LOC128706666: variants seen among roughly 807,000 people sequenced by gnomAD.
the LOC128706666 span, chr20:10,413,907 C>T: frequency 4.8e-6 from 2 of 418,406 alleles, no homozygotes; most frequent in East Asian, 6.8e-5. Context: ...CGATATGAAG[C>T]TCAGATTCAA....
the LOC128706666 span, among the ~76,000 whole-genome samples, chr20:10,431,527 A>AAAACCAAACC: frequency 0.014 from 2,039 of 150,836 alleles, 46 homozygotes; most frequent in African/African-American, 0.042. Context: ...ATAGGGTCAA[A>AAAACCAAACC]AAACCAAACC....
chr20:10,421,899 T>A, the LOC128706666 span, among the ~76,000 whole-genome samples: 1 of 152,172 alleles, frequency 6.6e-6, no homozygotes, highest in East Asian at 1.9e-4. Flanking sequence ...CTCCTTATAC[T>A]CTTAATAAGG....
chr20:10,430,320 T>G, the LOC128706666 span, among the ~76,000 whole-genome samples: 72,839 of 152,040 alleles, frequency 0.48, 18,320 homozygotes, highest in Non-Finnish European at 0.56. Context: ...GGCCTTGGAT[T>G]AGTCACTTAA....
chr20:10,432,789 C>T, the LOC128706666 span, among the ~76,000 whole-genome samples: 1 of 74,590 alleles, frequency 1.3e-5, no homozygotes, highest in Non-Finnish European at 2.5e-5. Flanking sequence ...GACTCTTTGT[C>T]AAAAAAAAAA....
the LOC128706666 span, among the ~76,000 whole-genome samples, chr20:10,430,301 T>C: frequency 5.3e-5 from 8 of 152,230 alleles, no homozygotes; most frequent in Non-Finnish European, 1.0e-4. Context: ...ACTTTACAAC[T>C]GGCTGTGTGG....
At chr20:10,414,689 A>T in the LOC128706666 span, among the ~76,000 whole-genome samples, 1 of 152,210 alleles carries the variant, frequency 6.6e-6, no homozygotes, top group African/African-American at 2.4e-5. Context: ...GTGCATTTAT[A>T]TCAAGTCATG....
the LOC128706666 span, among the ~76,000 whole-genome samples, chr20:10,422,737 A>G: frequency 4.0e-5 from 6 of 148,964 alleles, no homozygotes; most frequent in African/African-American, 1.5e-4. Context: ...TGTGAGACAG[A>G]GTCTTGCTCT....
the LOC128706666 span, among the ~76,000 whole-genome samples, chr20:10,416,320 T>C: frequency 1.3e-5 from 2 of 151,720 alleles, no homozygotes; most frequent in African/African-American, 2.4e-5. Flanking sequence ...AGAATGATTA[T>C]AGGTATGAGG....
chr20:10,418,016 GA>G, the LOC128706666 span, among the ~76,000 whole-genome samples: 55 of 152,246 alleles, frequency 3.6e-4, no homozygotes, highest in East Asian at 9.6e-3. Flanking sequence ...CAAACCACCT[GA>G]AAAGATTTTT....
At chr20:10,432,789 C>CAAAA in the LOC128706666 span, among the ~76,000 whole-genome samples, 1,181 of 74,564 alleles carry the variant, frequency 0.016, 141 homozygotes, top group South Asian at 0.05. Flanking sequence ...GACTCTTTGT[C>CAAAA]AAAAAAAAAA....
chr20:10,423,160 G>GT, the LOC128706666 span, among the ~76,000 whole-genome samples: 1 of 152,152 alleles, frequency 6.6e-6, no homozygotes, highest in Non-Finnish European at 1.5e-5. Context: ...ATTAGGGCCA[G>GT]GTGCAGTGGC....
the LOC128706666 span, among the ~76,000 whole-genome samples, chr20:10,433,637 C>T: frequency 6.6e-6 from 1 of 152,202 alleles, no homozygotes; most frequent in Non-Finnish European, 1.5e-5. Context: ...CCCGCGGCTG[C>T]TTTCACGTAG....
the LOC128706666 span, among the ~76,000 whole-genome samples, chr20:10,427,029 G>GACACACACACACACACACACACAC: frequency 9.6e-4 from 126 of 130,774 alleles, 2 homozygotes; most frequent in Middle Eastern, 4.2e-3. Flanking sequence ...AGAAAACACT[G>GACACACACACACACACACACACAC]ACACACACAC....
chr20:10,423,227 C>T, the LOC128706666 span, among the ~76,000 whole-genome samples: 1 of 151,994 alleles, frequency 6.6e-6, no homozygotes. Context: ...TCACTTGAGC[C>T]TAGGCAACGT....
At chr20:10,433,909 A>G in the LOC128706666 span, among the ~76,000 whole-genome samples, 1 of 152,136 alleles carries the variant, frequency 6.6e-6, no homozygotes, top group Non-Finnish European at 1.5e-5. Context: ...CGCAACATTT[A>G]CCATCGGCAG....
chr20:10,417,052 C>T, the LOC128706666 span, among the ~76,000 whole-genome samples: 3 of 151,760 alleles, frequency 2.0e-5, no homozygotes, highest in African/African-American at 7.3e-5. Flanking sequence ...AGTAAAAGAT[C>T]ACCTGGCCAA....
At chr20:10,428,108 A>G in the LOC128706666 span, among the ~76,000 whole-genome samples, 1 of 152,248 alleles carries the variant, frequency 6.6e-6, no homozygotes, top group Non-Finnish European at 1.5e-5. Context: ...AGGCAGTCTC[A>G]AATATTAAGC....
chr20:10,421,925 A>T, the LOC128706666 span, among the ~76,000 whole-genome samples: 1 of 152,098 alleles, frequency 6.6e-6, no homozygotes, highest in Admixed American at 6.6e-5. Context: ...TCCACCATCT[A>T]TGAGACATGC....
the LOC128706666 span, among the ~76,000 whole-genome samples, chr20:10,425,735 T>C: frequency 2.6e-5 from 4 of 152,186 alleles, no homozygotes; most frequent in South Asian, 8.3e-4. Context: ...ATCCCTAAAA[T>C]AAGTTAGTGT....
Sources: gnomAD v4.1 joint callset for allele counts (sites outside exome capture counted in the v4.1 genomes callset) on GRCh38, gnomAD v4.1.1 for gene constraint, MANE v1.5 for transcripts.